Variants in IARS2 observed in about 807,000 individuals in gnomAD.
The protein encoded by IARS2 is isoleucyl-tRNA synthetase 2, mitochondrial.
Under a neutral mutation model 126.3 loss-of-function variants are expected in IARS2, and 56 were observed. The observed-to-expected ratio is 0.44, with a 90% CI of 0.36 to 0.55. The LOEUF is 0.55. Ranked by LOEUF, IARS2 falls within the 20% of genes least tolerant of loss-of-function variation. The probability of loss-of-function intolerance (pLI) is 0.00; values close to 1 mark genes in which losing one functional copy is unlikely to be tolerated. For synonymous variants in IARS2, 407 were observed against 441.1 expected, an observed-to-expected ratio of 0.92 and a Z score of 0.97; for missense variants, 1,127 against 1,245.9, an observed-to-expected ratio of 0.90 and a Z score of 1.44.
chr1:220,133,205 G>A (rs1044900258), intron 14 of IARS2, among the ~76,000 whole-genome samples: 9 of 151,684 alleles, frequency 5.9e-5, no homozygotes, highest in East Asian at 1.9e-4. Flanking sequence ...ATGGGGTTTC[G>A]CCATGTTGGT....
rs376802311 is a variant in IARS2, at chr1:220,129,427, C to G, written c.1837+2584C>G. 2.8e-4 allele frequency among the ~76,000 whole-genome samples: 43 copies of G among 152,124 alleles called. 1 individual carries two copies. In the South Asian group the frequency reaches 8.5e-3, roughly 30 times the overall value. On this transcript the variant is annotated intron_variant, in intron 14 of 22. Transcript: ENST00000366922. ...ATGCAATAAATGGTTACTATATTTA[C>G]CCTACTGTATTAAACACTAGAATTT...
At chr1:220,108,856 C>CTTT (rs35836043) in intron 10 of IARS2, among the ~76,000 whole-genome samples, 5,215 of 68,188 alleles carry the variant, frequency 0.076, 1,028 homozygotes, top group African/African-American at 0.25. Context: ...TGTGAATCCT[C>CTTT]TTTTTTTTTT....
rs777773993 is a variant in IARS2, at chr1:220,125,318, T to A, written c.1722T>A (p.Leu574=). Residue 574 remains leucine, a synonymous_variant, in exon 13 of 23, where the codon CTT becomes CTA. Coordinates refer to ENST00000366922, the MANE Select transcript of IARS2 (RefSeq NM_018060.4). ...GGACTCTTCCCCCTGAACAACTTCT[T>A]CCAAAAGAAGTCTTATCTGAGGTAA... is the stretch of plus-strand genomic sequence containing the variant. ...IWWTLPPEQL[L]PKEVLSEVGG... The A allele has an allele frequency of 8.7e-6, 14 of 1,612,562 alleles. No individual in the cohort carries two copies. The South Asian group carries it at 1.3e-4, about 15-fold the overall frequency.
intron 12 of IARS2, among the ~76,000 whole-genome samples, chr1:220,117,381 G>A (rs1656939382): frequency 6.6e-6 from 1 of 151,394 alleles, no homozygotes; most frequent in Admixed American, 6.6e-5. Flanking sequence ...ATATTTTTTA[G>A]TAGAGACGGG....
At chr1:220,096,525 A>G (rs2102815504) in intron 2 of IARS2, among the ~76,000 whole-genome samples, 1 of 152,350 alleles carries the variant, frequency 6.6e-6, no homozygotes. Flanking sequence ...TTGGCCGGGC[A>G]GTATGGCTCA....
At chr1:220,120,185 G>A (rs1425217356) in intron 12 of IARS2, among the ~76,000 whole-genome samples, 2 of 151,020 alleles carry the variant, frequency 1.3e-5, no homozygotes, top group African/African-American at 2.4e-5. Flanking sequence ...AGCTTCAAGC[G>A]ATTCTCCTTC....
chr1:220,095,285 C>A (rs1318003878), intron 1 of IARS2, among the ~76,000 whole-genome samples: 1 of 152,160 alleles, frequency 6.6e-6, no homozygotes, highest in Non-Finnish European at 1.5e-5. Context: ...GTGATCTTCC[C>A]GCCTCGGCCT....
At chr1:220,110,402 G>A (rs970482278) in intron 10 of IARS2, among the ~76,000 whole-genome samples, 7 of 152,076 alleles carry the variant, frequency 4.6e-5, no homozygotes, top group African/African-American at 1.4e-4. Context: ...GTCTCGCTCT[G>A]TCACCCAGGC....
In IARS2 at chr1:220,114,317, T is replaced by C. The variant is rs1160682667; in HGVS notation, c.1483T>C (p.Leu495=). The change falls in exon 12 of 23, where the codon TTG becomes CTG. Residue 495 remains leucine, a synonymous_variant. Transcript: ENST00000366922. The part of the protein sequence containing the change: ...ITDIKTAAKE[L]LKKVKFIPGS... ...TTGATTTATGAATTAATTGCAGGAA[T>C]TGTTAAAAAAGGTGAAATTTATTCC... 3 of 1,612,900 alleles carry C rather than the reference T, an allele frequency of 1.9e-6. No homozygotes were observed. The highest frequency in any genetic ancestry group is 2.2e-5 in the East Asian group (1 of 44,848).
intron 12 of IARS2, among the ~76,000 whole-genome samples, chr1:220,120,851 A>G (rs1347858696): frequency 2.0e-5 from 3 of 152,184 alleles, no homozygotes; most frequent in Admixed American, 6.5e-5. Context: ...TAATTTATCT[A>G]GAATCTCATA....
Position 220,103,528 on chromosome 1 carries a change from G to A in IARS2, c.1032G>A (p.Leu344=), listed in dbSNP as rs1187719131. Residue 344 remains leucine (L), a synonymous_variant, in exon 8 of 23, where the codon TTG becomes TTA. Transcript: ENST00000366922. ...ADKVASVAST[L]ETTFETISTL... Reference sequence around the variant, plus strand: ...AAGTAGCATCTGTTGCTTCTACTTTGGAAACAACATTTGAGACTATTTCAA... The same window carrying A: ...AAGTAGCATCTGTTGCTTCTACTTTAGAAACAACATTTGAGACTATTTCAA... The A allele has an allele frequency of 1.9e-6, 3 of 1,612,434 alleles. No homozygotes were observed. The highest frequency in any genetic ancestry group is 2.7e-5 in the African/African-American group (2 of 74,974).
intron 21 of IARS2, among the ~76,000 whole-genome samples, chr1:220,145,155 G>A (rs1278615387): frequency 6.6e-6 from 1 of 151,472 alleles, no homozygotes; most frequent in Non-Finnish European, 1.5e-5. Flanking sequence ...TATGGGTTGA[G>A]AATCTTGGGC....
In IARS2 at chr1:220,094,901, G is replaced by A. The variant is rs115906975; in HGVS notation, c.267+418G>A. Among the ~76,000 whole-genome samples the A allele has an allele frequency of 3.8e-3, 575 of 152,040 alleles. 6 individuals carry two copies. The highest frequency in any genetic ancestry group is 0.013 in the African/African-American group (551 of 41,490). On this transcript the variant is annotated intron_variant, in intron 1 of 22. Transcript: ENST00000366922. ...GCCTGTAATCCCAGAACTTTGAAAG[G>A]CCAAGGCGGGAGAATCGCTTGAGCC...
intron 15 of IARS2, chr1:220,134,752 G>T: frequency 7.6e-6 from 2 of 264,604 alleles, no homozygotes; most frequent in Non-Finnish European, 7.1e-6. Context: ...AACTTATGTA[G>T]TTCTTTGTTG....
At chr1:220,106,906 A>G (rs566060250) in intron 9 of IARS2, among the ~76,000 whole-genome samples, 155 bp from the exon 10 acceptor site, 32 of 152,320 alleles carry the variant, frequency 2.1e-4, no homozygotes, top group Middle Eastern at 3.4e-3. Flanking sequence ...TGCTGGGATT[A>G]TAGGCCTGAG....
At chr1:220,140,328 A>G in intron 19 of IARS2, 39 bp downstream of exon 19, 1 of 1,252,402 alleles carries the variant, frequency 8.0e-7, no homozygotes, top group Non-Finnish European at 1.2e-6. Flanking sequence ...AACAATGGCC[A>G]GGTGTGGTGA....
intron 21 of IARS2, 165 bp downstream of exon 21, chr1:220,143,299 AAT>A: frequency 2.4e-6 from 1 of 414,458 alleles, no homozygotes. Flanking sequence ...TTCACTTTTA[AAT>A]ATCTTTTAAT....
intron 2 of IARS2, among the ~76,000 whole-genome samples, chr1:220,099,210 T>C (rs751715740): frequency 5.9e-4 from 48 of 80,906 alleles, no homozygotes; most frequent in Non-Finnish European, 7.2e-4. Flanking sequence ...AGACTCCGTC[T>C]CAAAAAAAAA....
At chr1:220,137,574 A>G (rs1657401223) in intron 16 of IARS2, 1 of 184,508 alleles carries the variant, frequency 5.4e-6, no homozygotes. Flanking sequence ...GTGAAAGGAA[A>G]AGCAGTCCTT....
Sources: gnomAD v4.1 joint callset for allele counts (sites outside exome capture counted in the v4.1 genomes callset) on GRCh38, gnomAD v4.1.1 for gene constraint, MANE v1.5 for transcripts, NCBI Gene and HGNC (gene_info 2026-07-23, HGNC 2026-07-21) for gene names.